Variants in LRP1B observed in about 807,000 individuals in gnomAD.
The protein encoded by LRP1B is low-density lipoprotein receptor-related protein 1B.
LRP1B carries 217 observed loss-of-function variants against 556.6 expected under a neutral mutation model. The observed-to-expected ratio is 0.39, with a 90% CI of 0.35 to 0.44. LRP1B has a LOEUF of 0.44. LRP1B is among the 20% of genes least tolerant of loss of function. The probability of loss-of-function intolerance (pLI) is 1.00; values close to 1 mark genes in which losing one functional copy is unlikely to be tolerated. For missense variants in LRP1B, 5,053 were observed against 5,620.8 expected, an observed-to-expected ratio of 0.90 and a Z score of 3.23; for synonymous variants, 2,047 against 1,865.8, an observed-to-expected ratio of 1.10 and a Z score of -2.50.
At chr2:141,308,969 T>C (rs73962900) in intron 3 of LRP1B, among the ~76,000 whole-genome samples, 3,680 of 152,284 alleles carry the variant, frequency 0.024, 149 homozygotes, top group African/African-American at 0.082. Context: ...TGATATCAAA[T>C]AATAAGGATT....
intron 7 of LRP1B, among the ~76,000 whole-genome samples, chr2:141,071,573 T>G (rs977525252): frequency 3.3e-5 from 5 of 152,158 alleles, no homozygotes; most frequent in African/African-American, 4.8e-5. Context: ...TGTCCCTGTT[T>G]GCAGATGACA....
chr2:140,896,001 G>A (rs2105210923), intron 23 of LRP1B, among the ~76,000 whole-genome samples: 1 of 152,214 alleles, frequency 6.6e-6, no homozygotes, highest in Non-Finnish European at 1.5e-5. Flanking sequence ...AGAAAACAGG[G>A]ATGTAAAGTT....
At chr2:141,938,229 T>C (rs1272826560) in intron 1 of LRP1B, among the ~76,000 whole-genome samples, 1 of 152,152 alleles carries the variant, frequency 6.6e-6, no homozygotes, top group Non-Finnish European at 1.5e-5. Flanking sequence ...ATTTCTAAAG[T>C]ATACAAGGAA....
chr2:141,810,101 AAGAAAGAAAG>A, intron 2 of LRP1B, among the ~76,000 whole-genome samples, 168 bp downstream of exon 2: 1 of 134,160 alleles, frequency 7.5e-6, no homozygotes, highest in Middle Eastern at 3.7e-3. Context: ...GGAAAAAAGA[AAGAAAGAAAG>A]AAAAAGAAAG....
chr2:141,745,348 C>T (rs766224750), intron 2 of LRP1B, among the ~76,000 whole-genome samples: 23 of 152,260 alleles, frequency 1.5e-4, no homozygotes, highest in Non-Finnish European at 2.9e-4. Flanking sequence ...AGAAATCTAC[C>T]GGCATGCTCT....
At chr2:141,306,430 A>C (rs1315338028) in intron 3 of LRP1B, among the ~76,000 whole-genome samples, 1 of 152,060 alleles carries the variant, frequency 6.6e-6, no homozygotes, top group East Asian at 1.9e-4. Flanking sequence ...CATTGTTTAT[A>C]ATAGTTTTTG....
chr2:141,672,686 T>C (rs1558795480), intron 2 of LRP1B, among the ~76,000 whole-genome samples: 2 of 152,140 alleles, frequency 1.3e-5, no homozygotes, highest in Non-Finnish European at 2.9e-5. Flanking sequence ...TAGGGAAAAA[T>C]GCATAAAAAC....
At chr2:140,872,012 T>TTGTG (rs545191922) in intron 25 of LRP1B, among the ~76,000 whole-genome samples, 1 of 150,468 alleles carries the variant, frequency 6.6e-6, no homozygotes, top group East Asian at 1.9e-4. Flanking sequence ...GTGTGTCTAT[T>TTGTG]TGTGTGTGTG....
At chr2:140,853,428 T>C (rs944374848) in intron 27 of LRP1B, among the ~76,000 whole-genome samples, 1 of 152,188 alleles carries the variant, frequency 6.6e-6, no homozygotes, top group Non-Finnish European at 1.5e-5. Context: ...GTGTACTTTT[T>C]TGGGTAATCT....
chr2:140,752,058 T>G (rs1688598523), intron 35 of LRP1B, among the ~76,000 whole-genome samples: 1 of 152,024 alleles, frequency 6.6e-6, no homozygotes, highest in African/African-American at 2.4e-5. Context: ...GGCTCACACC[T>G]GTAATCCCAG....
chr2:141,925,429 C>T (rs929044921), intron 1 of LRP1B, among the ~76,000 whole-genome samples: 2 of 152,114 alleles, frequency 1.3e-5, no homozygotes, highest in East Asian at 1.9e-4. Flanking sequence ...TCTAGACTGA[C>T]GATGGGGTTA....
chr2:141,276,717 C>T (rs1436013359), intron 3 of LRP1B, among the ~76,000 whole-genome samples: 1 of 142,802 alleles, frequency 7.0e-6, no homozygotes, highest in Non-Finnish European at 1.5e-5. Context: ...AGTGCAGTGG[C>T]AAGATCTTGG....
At chr2:141,935,556 C>A (rs1186904842) in intron 1 of LRP1B, among the ~76,000 whole-genome samples, 1 of 151,604 alleles carries the variant, frequency 6.6e-6, no homozygotes, top group Non-Finnish European at 1.5e-5. Context: ...TGAAATATGA[C>A]AATACAAAAA....
chr2:141,948,930 T>A (rs1701030778), intron 1 of LRP1B, among the ~76,000 whole-genome samples: 1 of 152,080 alleles, frequency 6.6e-6, no homozygotes, highest in African/African-American at 2.4e-5. Context: ...ATATTGATAA[T>A]TGGAAAAAAT....
chr2:141,541,334 A>G (rs1685252000), intron 2 of LRP1B, among the ~76,000 whole-genome samples: 1 of 152,048 alleles, frequency 6.6e-6, no homozygotes, highest in Admixed American at 6.6e-5. Context: ...ATGCTTTGGA[A>G]GAATAAGACA....
At chr2:141,854,149 A>T (rs998534857) in intron 1 of LRP1B, among the ~76,000 whole-genome samples, 1 of 152,050 alleles carries the variant, frequency 6.6e-6, no homozygotes, top group Non-Finnish European at 1.5e-5. Flanking sequence ...TCATGAAGTA[A>T]TTTCCAAATA....
At chr2:141,347,763 T>C (rs1177520263) in intron 3 of LRP1B, among the ~76,000 whole-genome samples, 1 of 152,064 alleles carries the variant, frequency 6.6e-6, no homozygotes, top group Non-Finnish European at 1.5e-5. Flanking sequence ...AATATTTTCA[T>C]CAAGTCTACT....
chr2:141,840,014 C>G (rs1697412812), intron 1 of LRP1B, among the ~76,000 whole-genome samples: 1 of 152,120 alleles, frequency 6.6e-6, no homozygotes, highest in Non-Finnish European at 1.5e-5. Flanking sequence ...CTAGCAAGAA[C>G]TCCTCATTTT....
chr2:142,042,072 T>C (rs1255635427), intron 1 of LRP1B, among the ~76,000 whole-genome samples: 1 of 151,476 alleles, frequency 6.6e-6, no homozygotes, highest in Non-Finnish European at 1.5e-5. Flanking sequence ...TTTTTTTCTG[T>C]AGTTTTGTCA....
Sources: allele counts gnomAD v4.1 joint callset (sites outside exome capture counted in the v4.1 genomes callset), GRCh38; gene constraint gnomAD v4.1.1; transcripts MANE v1.5; gene names NCBI Gene and HGNC (gene_info 2026-07-23, HGNC 2026-07-21).